The following SLC12A6 variants were observed in gnomAD, a reference collection of about 807,000 sequenced individuals.
SLC12A6 encodes solute carrier family 12 member 6, also known as K-Cl cotransporter 3.
In SLC12A6, 66 loss-of-function variants were observed where a neutral mutation model predicts 135.3. That is an observed-to-expected ratio of 0.49 (90% CI 0.40 to 0.60). The LOEUF is 0.60. SLC12A6 is among the 20% of genes least tolerant of loss of function. SLC12A6 has a pLI of 0.00. For missense variants in SLC12A6, 1,058 were observed against 1,452.3 expected, an observed-to-expected ratio of 0.73 and a Z score of 4.41; for synonymous variants, 513 against 508.8, an observed-to-expected ratio of 1.01 and a Z score of -0.11.
chr15:34,248,017 A>G (rs1482664084), intron 13 of SLC12A6, among the ~76,000 whole-genome samples: 1 of 152,178 alleles, frequency 6.6e-6, no homozygotes, highest in East Asian at 1.9e-4. Context: ...CTGACTTTGA[A>G]TACTATAGAG....
At chr15:34,284,277 CTTTTTTTT>C (rs71415558) in intron 2 of SLC12A6, among the ~76,000 whole-genome samples, 1 of 92,490 alleles carries the variant, frequency 1.1e-5, no homozygotes, top group African/African-American at 4.5e-5. Context: ...TGTTTCTTTT[CTTTTTTTT>C]TTTTTTTTTT....
rs114137406 is a variant in SLC12A6 at position 34,240,917 on chromosome 15, G to A, written c.2268-88C>T. On this transcript the variant is annotated intron_variant, in intron 18 of 25. Coordinates refer to ENST00000354181, the MANE Select transcript of SLC12A6 (RefSeq NM_001365088.1). ...TGACAGACTCCACCCTTTAATTCAG[G>A]AGATCTGTATGAAACAGGTAATTTG... 1,369 of 1,016,278 alleles carry A rather than the reference G, an allele frequency of 1.3e-3. 8 individuals carry two copies. The African/African-American group carries it at 0.02, about 15-fold the overall frequency. The allele number at this position is 1,016,278 out of a possible 1,614,324, so 63.0% of individuals were successfully genotyped here.
intron 2 of SLC12A6, 62 bp from the exon 3 acceptor site, chr15:34,275,451 T>TA: frequency 1.1e-6 from 1 of 942,014 alleles, no homozygotes; most frequent in South Asian, 1.4e-5. Flanking sequence ...ATAATTTCTT[T>TA]AAAATCAGCA....
In SLC12A6 at chr15:34,231,588, CTTTCT is replaced by C. The variant is rs1566794256; in HGVS notation, c.*2288_*2292del. On this transcript the variant is annotated 3_prime_UTR_variant, in exon 26 of 26. Transcript: ENST00000354181. ...TCAAAATTACTCAATTTCTTTCTTT[CTTTCT>C]TTTTTTTTTTTTTTGAGATGGAGTC... 5 of 104,334 alleles carry C rather than the reference CTTTCT, an allele frequency of 4.8e-5. No individual in the cohort carries two copies. The highest frequency in any genetic ancestry group is 7.5e-4 in the East Asian group (2 of 2,656). 6.5% of individuals were successfully genotyped at this position (104,334 alleles called of 1,614,324 possible). A position where few individuals can be genotyped will look rare whatever the true frequency, so the allele number is the denominator to read the frequency against.
At chr15:34,237,087 C>G in intron 22 of SLC12A6, 1 of 484,584 alleles carries the variant, frequency 2.1e-6, no homozygotes, top group Non-Finnish European at 3.7e-6. Context: ...CTTTTTTATA[C>G]TGTTAGGTTT....
intron 2 of SLC12A6, among the ~76,000 whole-genome samples, chr15:34,299,254 A>G (rs955990659): frequency 2.6e-5 from 4 of 152,200 alleles, no homozygotes; most frequent in African/African-American, 9.7e-5. Flanking sequence ...CCATTGGCTT[A>G]TAGGGTGAAC....
At chr15:34,236,684 T>TG in intron 23 of SLC12A6, 24 bp downstream of exon 23, 1 of 1,268,222 alleles carries the variant, frequency 7.9e-7, no homozygotes, top group Non-Finnish European at 1.2e-6. Flanking sequence ...GAGCACGGAT[T>TG]GGATTGATGC....
rs146075091 is a variant in SLC12A6, at chr15:34,337,316, G to T, written c.-73+16C>A. 635 of 158,822 alleles carry T rather than the reference G, an allele frequency of 4.0e-3. 3 individuals are homozygous for T. The highest frequency in any genetic ancestry group is 5.8e-3 in the Non-Finnish European group (414 of 71,574). 9.8% of individuals were successfully genotyped at this position (158,822 alleles called of 1,614,324 possible). On this transcript the variant is annotated intron_variant, in intron 1 of 25. Transcript: ENST00000354181. ...GGTGGGAAAGGTGCACATGCATAAC[G>T]GGAAAAATAACCCACACTACTGAGA...
chr15:34,333,910 A>C (rs1890028157), intron 2 of SLC12A6, among the ~76,000 whole-genome samples: 1 of 151,976 alleles, frequency 6.6e-6, no homozygotes, highest in South Asian at 2.1e-4. Context: ...ATCTCTACTA[A>C]ATACAAAAAA....
chr15:34,265,864 G>C (rs923418713), intron 3 of SLC12A6, among the ~76,000 whole-genome samples: 7 of 152,126 alleles, frequency 4.6e-5, no homozygotes, highest in African/African-American at 7.2e-5. Flanking sequence ...TATAGCTAAA[G>C]GACAGTGAGG....
intron 2 of SLC12A6, among the ~76,000 whole-genome samples, chr15:34,333,765 A>G (rs942301183): frequency 2.0e-5 from 3 of 152,148 alleles, no homozygotes; most frequent in Admixed American, 6.6e-5. Context: ...ATATACTGAA[A>G]TAAGTATTTA....
intron 2 of SLC12A6, among the ~76,000 whole-genome samples, chr15:34,310,769 AGTGTGTGTGTGTGTGTGTGTGTGT>A (rs570488711): frequency 3.2e-4 from 8 of 25,358 alleles, no homozygotes; most frequent in Admixed American, 5.0e-4. Context: ...CCTGGGCTCA[AGTGTGTGTGTGTGTGTGTGTGTGT>A]GTGTGTGTGT....
intron 4 of SLC12A6, 93 bp downstream of exon 4, chr15:34,260,833 T>C (rs183269722): frequency 1.5e-5 from 11 of 719,914 alleles, no homozygotes; most frequent in Admixed American, 1.0e-4. Flanking sequence ...ATTATCCAGC[T>C]TGTAAAATTT....
chr15:34,307,222 A>T (rs183842475), intron 2 of SLC12A6, among the ~76,000 whole-genome samples: 97 of 152,362 alleles, frequency 6.4e-4, no homozygotes, highest in Middle Eastern at 3.4e-3. Flanking sequence ...TATTTCCCAA[A>T]GGGATTGACA....
intron 2 of SLC12A6, among the ~76,000 whole-genome samples, chr15:34,280,883 C>T (rs997863391): frequency 4.0e-5 from 6 of 151,862 alleles, no homozygotes; most frequent in African/African-American, 1.2e-4. Context: ...TTCATAGCAA[C>T]GTAGATGGAA....
At chr15:34,280,500 C>T (rs1311385285) in intron 2 of SLC12A6, among the ~76,000 whole-genome samples, 3 of 152,040 alleles carry the variant, frequency 2.0e-5, no homozygotes, top group Non-Finnish European at 4.4e-5. Flanking sequence ...AAAACCAAAG[C>T]GTCATCATCA....
intron 2 of SLC12A6, among the ~76,000 whole-genome samples, chr15:34,282,704 ATCAC>A (rs568217506): frequency 0.012 from 1,818 of 152,294 alleles, 15 homozygotes; most frequent in Middle Eastern, 0.037. Flanking sequence ...ATGAGCTATG[ATCAC>A]TCACTCACTC....
intron 2 of SLC12A6, among the ~76,000 whole-genome samples, chr15:34,283,800 G>A (rs796083364): frequency 7.9e-5 from 12 of 152,052 alleles, no homozygotes; most frequent in Admixed American, 2.6e-4. Flanking sequence ...TCAAGCTGGA[G>A]TGCAGTGGTG....
rs553999459 is a variant in SLC12A6 at position 34,280,084 on chromosome 15, C to A, written c.272-4695G>T. Among the ~76,000 whole-genome samples, 17 of 152,320 alleles carry A rather than the reference C, an allele frequency of 1.1e-4. No individual in the cohort carries two copies. The South Asian group carries it at 3.5e-3, about 32-fold the overall frequency. On this transcript the variant is annotated intron_variant, in intron 2 of 25. Coordinates refer to ENST00000354181, the MANE Select transcript of SLC12A6 (RefSeq NM_001365088.1). Reference sequence around the variant, plus strand: ...GCCTCTGTCAAGTTTTTCTGAAGAGCTTTATTATTTTCCTTAGTTTGCCAA... The same window carrying A: ...GCCTCTGTCAAGTTTTTCTGAAGAGATTTATTATTTTCCTTAGTTTGCCAA...
Sources: gnomAD v4.1 joint callset for allele counts (sites outside exome capture counted in the v4.1 genomes callset) on GRCh38, gnomAD v4.1.1 for gene constraint, MANE v1.5 for transcripts, NCBI Gene and HGNC (gene_info 2026-07-23, HGNC 2026-07-21) for gene names.